The following DPP10 variants were observed in gnomAD, a reference collection of about 807,000 sequenced individuals.
DPP10 encodes dipeptidyl peptidase like 10.
Under a neutral mutation model 120.9 loss-of-function variants are expected in DPP10, and 33 were observed. That is an observed-to-expected ratio of 0.27 (90% CI 0.21 to 0.37). The LOEUF is 0.37. DPP10 is among the 10% of genes least tolerant of loss of function. DPP10 has a pLI of 1.00. For missense variants in DPP10, 816 were observed against 942.8 expected, an observed-to-expected ratio of 0.87 and a Z score of 1.76; for synonymous variants, 337 against 326.1, an observed-to-expected ratio of 1.03 and a Z score of -0.36.
chr2:115,708,014 A>C (rs2092188116), intron 7 of DPP10, among the ~76,000 whole-genome samples: 1 of 152,016 alleles, frequency 6.6e-6, no homozygotes, highest in Non-Finnish European at 1.5e-5. Flanking sequence ...ATAGATATAG[A>C]TGCAGATATC....
intron 5 of DPP10, among the ~76,000 whole-genome samples, chr2:115,680,612 C>G (rs543197049): frequency 6.6e-6 from 1 of 151,732 alleles, no homozygotes; most frequent in African/African-American, 2.4e-5. Context: ...TTTAAAAGTA[C>G]TAGAAGAAAA....
At chr2:115,337,565 A>AT (rs1440048444) in intron 2 of DPP10, among the ~76,000 whole-genome samples, 1 of 151,008 alleles carries the variant, frequency 6.6e-6, no homozygotes, top group Non-Finnish European at 1.5e-5. Context: ...GGATACTAAT[A>AT]CCCAGTAGGG....
At chr2:115,461,724 A>G (rs908522009) in intron 3 of DPP10, among the ~76,000 whole-genome samples, 11 of 152,190 alleles carry the variant, frequency 7.2e-5, no homozygotes, top group Admixed American at 4.6e-4. Flanking sequence ...CTCTCATTAT[A>G]TAATAGATGA....
At chr2:114,513,534 A>C (rs997995432) in intron 1 of DPP10, among the ~76,000 whole-genome samples, 1 of 150,880 alleles carries the variant, frequency 6.6e-6, no homozygotes, top group Admixed American at 6.6e-5. Flanking sequence ...AAAAAAAAAA[A>C]AAAAAAAAAG....
chr2:115,412,465 T>C (rs2069027563), intron 3 of DPP10, among the ~76,000 whole-genome samples: 1 of 152,216 alleles, frequency 6.6e-6, no homozygotes, highest in African/African-American at 2.4e-5. Context: ...AAACACTCTG[T>C]AAATACAGGT....
At chr2:114,781,544 T>C (rs1011496929) in intron 1 of DPP10, among the ~76,000 whole-genome samples, 1 of 151,026 alleles carries the variant, frequency 6.6e-6, no homozygotes, top group African/African-American at 2.5e-5. Context: ...TCACAGCAAG[T>C]AATACAGAAG....
chr2:114,531,659 C>A (rs984073087), intron 1 of DPP10, among the ~76,000 whole-genome samples: 23 of 150,296 alleles, frequency 1.5e-4, no homozygotes, highest in African/African-American at 5.6e-4. Flanking sequence ...TCTTGAGAAC[C>A]CCGATTGATA....
At chr2:114,473,000 T>C (rs778853252) in intron 1 of DPP10, among the ~76,000 whole-genome samples, 6 of 152,192 alleles carry the variant, frequency 3.9e-5, no homozygotes, top group Non-Finnish European at 5.9e-5. Flanking sequence ...TACATGCAGA[T>C]TGGGAAAGAT....
chr2:114,842,265 C>T (rs1012843011), intron 1 of DPP10, among the ~76,000 whole-genome samples: 2 of 151,994 alleles, frequency 1.3e-5, no homozygotes, highest in African/African-American at 4.8e-5. Flanking sequence ...GCATTCCTTA[C>T]CAGAAGGCAC....
At chr2:114,623,663 G>A (rs569558969) in intron 1 of DPP10, among the ~76,000 whole-genome samples, 1 of 152,124 alleles carries the variant, frequency 6.6e-6, no homozygotes, top group East Asian at 1.9e-4. Flanking sequence ...TCAAATAACA[G>A]CCTCATGGCA....
intron 2 of DPP10, among the ~76,000 whole-genome samples, chr2:115,325,724 A>C (rs111856861): frequency 0.012 from 1,873 of 152,280 alleles, 8 homozygotes; most frequent in African/African-American, 0.018. Context: ...TATGTTTTTC[A>C]AAACAAAAAA....
intron 3 of DPP10, among the ~76,000 whole-genome samples, chr2:115,437,112 T>A: frequency 6.6e-6 from 1 of 151,982 alleles, no homozygotes; most frequent in Non-Finnish European, 1.5e-5. Flanking sequence ...CGTAAGAGAC[T>A]TCCAAAATCC....
In DPP10 at chr2:115,673,490, A is replaced by G. The variant is rs112533338; in HGVS notation, c.442-16197A>G. Among the ~76,000 whole-genome samples the G allele has an allele frequency of 1.3e-3, 203 of 152,336 alleles. 1 individual carries two copies. Among genetic ancestry groups the G allele is most frequent in the African/African-American group, 4.4e-3 (182 of 41,574 alleles). On this transcript the variant is annotated intron_variant, in intron 5 of 25. Transcript: ENST00000410059. Reference sequence around the variant, plus strand: ...TCAAGACATGCCTAAGAGTACCCAGATAATTGACCTAGATAATCCTAATAA... The same window carrying G: ...TCAAGACATGCCTAAGAGTACCCAGGTAATTGACCTAGATAATCCTAATAA...
chr2:115,503,274 C>T (rs1254874643), intron 4 of DPP10, among the ~76,000 whole-genome samples: 2 of 152,054 alleles, frequency 1.3e-5, no homozygotes, highest in South Asian at 2.1e-4. Flanking sequence ...ATTTATAATG[C>T]CTAGAGACAG....
chr2:115,208,191 CTT>C (rs760142039), intron 1 of DPP10, among the ~76,000 whole-genome samples: 4 of 138,928 alleles, frequency 2.9e-5, no homozygotes, highest in Admixed American at 7.4e-5. Context: ...CATTATTTCT[CTT>C]TTTTTTTTTT....
chr2:115,763,914 C>T (rs10187741), intron 12 of DPP10, among the ~76,000 whole-genome samples: 20,503 of 152,134 alleles, frequency 0.13, 1,806 homozygotes, highest in African/African-American at 0.24. Flanking sequence ...TACATGGACC[C>T]TCATATGCAC....
At chr2:114,829,289 C>A (rs1427829000) in intron 1 of DPP10, among the ~76,000 whole-genome samples, 1 of 150,762 alleles carries the variant, frequency 6.6e-6, no homozygotes, top group African/African-American at 2.4e-5. Context: ...GACTCCATCT[C>A]AAAAATAAAT....
intron 2 of DPP10, among the ~76,000 whole-genome samples, chr2:115,326,520 A>G (rs62167294): frequency 0.023 from 3,457 of 152,130 alleles, 77 homozygotes; most frequent in Non-Finnish European, 0.034. Flanking sequence ...TAACTGTATA[A>G]TAGCCTCACG....
At chr2:115,605,605 A>G (rs1054888919) in intron 5 of DPP10, among the ~76,000 whole-genome samples, 2 of 152,214 alleles carry the variant, frequency 1.3e-5, no homozygotes, top group Non-Finnish European at 1.5e-5. Flanking sequence ...AAGAAAAGGG[A>G]GAGAAAGCCA....
Sources: gnomAD v4.1 joint callset for allele counts (sites outside exome capture counted in the v4.1 genomes callset) on GRCh38, gnomAD v4.1.1 for gene constraint, MANE v1.5 for transcripts, NCBI Gene and HGNC (gene_info 2026-07-23, HGNC 2026-07-21) for gene names.